DISC1: variants seen among roughly 807,000 people sequenced by gnomAD.
The protein encoded by DISC1 is DISC1 scaffold protein, also known as disrupted in schizophrenia 1 protein.
DISC1 carries 57 observed loss-of-function variants against 84.5 expected under a neutral mutation model. The observed-to-expected ratio is 0.67, with a 90% CI of 0.55 to 0.84. The LOEUF (loss-of-function observed/expected upper bound fraction) is 0.84. Ranked by LOEUF, DISC1 falls within the 40% of genes least tolerant of loss-of-function variation. DISC1 has a pLI of 0.00. For synonymous variants in DISC1, 411 were observed against 415.2 expected (o/e 0.99, Z 0.12); for missense variants, 1,000 against 1,057.8 (o/e 0.95, Z 0.76).
At chr1:231,879,557 G>T (rs1016335013) in intron 9 of DISC1, among the ~76,000 whole-genome samples, 1 of 151,664 alleles carries the variant, frequency 6.6e-6, no homozygotes, top group Admixed American at 6.6e-5. Context: ...ACCTGTGGGG[G>T]CTGTGATGGT....
chr1:231,859,670 A>C (rs1418834569), intron 9 of DISC1, among the ~76,000 whole-genome samples: 2 of 152,202 alleles, frequency 1.3e-5, no homozygotes, highest in Admixed American at 6.5e-5. Context: ...TATTACATCA[A>C]AATCTCTTCT....
intron 1 of DISC1, among the ~76,000 whole-genome samples, chr1:231,664,345 C>T (rs936299369): frequency 6.6e-6 from 1 of 152,122 alleles, no homozygotes; most frequent in African/African-American, 2.4e-5. Context: ...CCACATCCCC[C>T]CATATCTAAT....
chr1:232,026,762 C>CTTTTTTTTTTTTTTTTTTTTT (rs545455868), intron 12 of DISC1, among the ~76,000 whole-genome samples: 3 of 110,868 alleles, frequency 2.7e-5, no homozygotes, highest in Non-Finnish European at 5.4e-5. Flanking sequence ...TTTCTTTTTT[C>CTTTTTTTTTTTTTTTTTTTTT]TTTTTTTTTT....
intron 4 of DISC1, among the ~76,000 whole-genome samples, chr1:231,751,998 A>G (rs570132284): frequency 1.3e-5 from 2 of 152,362 alleles, no homozygotes; most frequent in East Asian, 3.9e-4. Flanking sequence ...CAGGCCCAAT[A>G]GAAGCTAAGA....
chr1:231,847,233 T>C lies in DISC1; in HGVS notation c.1981+28716T>C, dbSNP rs533709991. Among the ~76,000 whole-genome samples, 6 of 152,186 alleles carry C rather than the reference T, an allele frequency of 3.9e-5. No individual in the cohort carries two copies. In the East Asian group the frequency reaches 1.2e-3, roughly 30 times the overall value. On this transcript the variant is annotated intron_variant, in intron 9 of 12. Transcript: ENST00000439617. ...CCTCACATGGCCTTCCCTTTGTGTGTGTCTGTGTCCTCATCTCCTCTCCTC... is the reference window on the plus strand; with the variant it reads ...CCTCACATGGCCTTCCCTTTGTGTGCGTCTGTGTCCTCATCTCCTCTCCTC...
chr1:231,953,202 G>A (rs140244585), intron 9 of DISC1, among the ~76,000 whole-genome samples: 1 of 152,282 alleles, frequency 6.6e-6, no homozygotes, highest in Non-Finnish European at 1.5e-5. Context: ...TTGATATCAC[G>A]CGTGTCCCCA....
chr1:231,950,291 A>G (rs76427968), intron 9 of DISC1, among the ~76,000 whole-genome samples: 1,684 of 151,276 alleles, frequency 0.011, 16 homozygotes, highest in Non-Finnish European at 0.017. Context: ...GAATCAAAGA[A>G]TGAGACTGCA....
At chr1:231,991,930 G>A (rs774636323) in intron 10 of DISC1, among the ~76,000 whole-genome samples, 7 of 151,982 alleles carry the variant, frequency 4.6e-5, no homozygotes, top group East Asian at 3.9e-4. Context: ...GTGCCTTGCC[G>A]TTTTTGCTTA....
At chr1:231,909,763 CTT>C (rs2089028551) in intron 9 of DISC1, among the ~76,000 whole-genome samples, 6 of 152,272 alleles carry the variant, frequency 3.9e-5, no homozygotes, top group Admixed American at 3.9e-4. Context: ...ACCAGCTCCT[CTT>C]TGTACGTCTC....
At chr1:232,002,785 A>AAAGAG (rs1419502546) in intron 10 of DISC1, among the ~76,000 whole-genome samples, 1 of 152,146 alleles carries the variant, frequency 6.6e-6, no homozygotes. Context: ...TGTGGTTATA[A>AAAGAG]AAGAGAACAT....
intron 10 of DISC1, among the ~76,000 whole-genome samples, chr1:231,981,205 A>G (rs1441582538): frequency 6.6e-6 from 1 of 152,170 alleles, no homozygotes; most frequent in Non-Finnish European, 1.5e-5. Context: ...AGGCCTCCCA[A>G]AGTGTTGGGA....
At chr1:231,772,483 T>C (rs2076629118) in intron 6 of DISC1, among the ~76,000 whole-genome samples, 1 of 152,182 alleles carries the variant, frequency 6.6e-6, no homozygotes, top group South Asian at 2.1e-4. Flanking sequence ...ATACGGACTC[T>C]GCCACCTGAT....
rs560960244 is a variant in DISC1, at chr1:231,763,852, A to T, written c.1269-3288A>T. Among the ~76,000 whole-genome samples the T allele has an allele frequency of 1.4e-4, 22 of 152,354 alleles. No homozygotes were observed. The South Asian group carries it at 4.4e-3, about 30-fold the overall frequency. ...GCATTGTGTCCCCAGAGCCAAGCACAATCCATAGTACATACCAGGCAAGCT... is the reference window on the plus strand; with the variant it reads ...GCATTGTGTCCCCAGAGCCAAGCACTATCCATAGTACATACCAGGCAAGCT... On this transcript the variant is annotated intron_variant, in intron 4 of 12. Coordinates refer to ENST00000439617, the MANE Select transcript of DISC1 (RefSeq NM_018662.3).
intron 9 of DISC1, among the ~76,000 whole-genome samples, chr1:231,841,471 A>G (rs1056677643): frequency 6.6e-6 from 1 of 152,200 alleles, no homozygotes; most frequent in Admixed American, 6.5e-5. Flanking sequence ...TACAGGCTGT[A>G]CCTCAGTTTA....
At chr1:231,749,729 A>C (rs905507892) in intron 3 of DISC1, among the ~76,000 whole-genome samples, 197 bp from the exon 4 acceptor site, 4 of 152,212 alleles carry the variant, frequency 2.6e-5, no homozygotes, top group Admixed American at 6.5e-5. Context: ...AAAAGATAGG[A>C]GAGCCATCTT....
chr1:231,938,836 T>C (rs1000049432), intron 9 of DISC1, among the ~76,000 whole-genome samples: 4 of 152,204 alleles, frequency 2.6e-5, no homozygotes, highest in Admixed American at 6.5e-5. Flanking sequence ...TTTCTTCTGT[T>C]AGGCAACTCT....
At chr1:231,809,037 G>C (rs977799991) in intron 8 of DISC1, among the ~76,000 whole-genome samples, 2 of 152,238 alleles carry the variant, frequency 1.3e-5, no homozygotes, top group Admixed American at 6.5e-5. Flanking sequence ...TGTGTATAGG[G>C]AGTAGGGTCT....
At chr1:231,806,434 C>T (rs2079717891) in intron 8 of DISC1, among the ~76,000 whole-genome samples, 1 of 152,152 alleles carries the variant, frequency 6.6e-6, no homozygotes, top group Non-Finnish European at 1.5e-5. Context: ...TTTTCAGCTC[C>T]GAGTTCAAAA....
intron 10 of DISC1, among the ~76,000 whole-genome samples, chr1:231,968,564 C>T (rs1285640763): frequency 6.7e-6 from 1 of 148,912 alleles, no homozygotes; most frequent in Non-Finnish European, 1.5e-5. Context: ...TGCACTCCAG[C>T]CTGGGCGACA....
Sources: allele counts gnomAD v4.1 joint callset (sites outside exome capture counted in the v4.1 genomes callset), GRCh38; gene constraint gnomAD v4.1.1; transcripts MANE v1.5; gene names NCBI Gene and HGNC (gene_info 2026-07-23, HGNC 2026-07-21).